JARID2: variants seen among roughly 807,000 people sequenced by gnomAD.
The protein encoded by JARID2 is protein Jumonji.
JARID2 carries 21 observed loss-of-function variants against 125.6 expected under a neutral mutation model. The ratio of observed to expected loss-of-function variants is 0.17; its 90% CI spans 0.12 to 0.24. JARID2 has a LOEUF of 0.24. JARID2 is among the 10% of genes least tolerant of loss of function. The pLI is 1.00. For missense variants in JARID2, 1,303 were observed against 1,639.6 expected (o/e 0.79, Z 3.55); for synonymous variants, 736 against 661.6 (o/e 1.11, Z -1.73).
At chr6:15,442,017 G>C (rs1767467740) in intron 3 of JARID2, among the ~76,000 whole-genome samples, 1 of 151,794 alleles carries the variant, frequency 6.6e-6, no homozygotes, top group Non-Finnish European at 1.5e-5. Context: ...CCTGACCTCA[G>C]GTGATCCCCC....
chr6:15,478,989 A>G (rs1408369534), intron 5 of JARID2, among the ~76,000 whole-genome samples: 2 of 152,186 alleles, frequency 1.3e-5, no homozygotes, highest in East Asian at 3.9e-4. Context: ...ATGAAACCCA[A>G]AACTGCAGAA....
intron 4 of JARID2, among the ~76,000 whole-genome samples, chr6:15,454,350 A>G (rs1768057167): frequency 6.6e-6 from 1 of 152,196 alleles, no homozygotes; most frequent in East Asian, 1.9e-4. Context: ...CACATAAGAA[A>G]GGAGAGTTAT....
chr6:15,249,288 C>T (rs1174329217), intron 1 of JARID2, among the ~76,000 whole-genome samples: 1 of 152,206 alleles, frequency 6.6e-6, no homozygotes, highest in Non-Finnish European at 1.5e-5. Context: ...GATGATGCTG[C>T]ACAGCAGCAA....
intron 1 of JARID2, among the ~76,000 whole-genome samples, chr6:15,335,853 G>T (rs548553995): frequency 4.8e-4 from 73 of 152,270 alleles, no homozygotes; most frequent in African/African-American, 1.7e-3. Context: ...AGCACTTTGG[G>T]AGTCTGGGGG....
In JARID2 at chr6:15,520,408, G is replaced by A; in HGVS notation, c.*157G>A. ...ACTAATTTTGTTTTAGCATTAAACT[G>A]TTGAACTTTTTTTTGTACTTAGAAA... is the stretch of plus-strand genomic sequence containing the variant. On this transcript the variant is annotated 3_prime_UTR_variant, in exon 18 of 18. Transcript: ENST00000341776. 3.4e-6 allele frequency: 2 copies of A among 588,270 alleles called. No individual in the cohort carries two copies. The highest frequency in any genetic ancestry group is 5.5e-6 in the Non-Finnish European group (2 of 362,688). 36.4% of individuals were successfully genotyped at this position (588,270 alleles called of 1,614,324 possible).
chr6:15,330,165 T>C (rs778221754), intron 1 of JARID2, among the ~76,000 whole-genome samples: 4 of 152,232 alleles, frequency 2.6e-5, no homozygotes, highest in Admixed American at 6.5e-5. Flanking sequence ...TAAAAGAAAC[T>C]ATAGGGGCTG....
intron 3 of JARID2, among the ~76,000 whole-genome samples, chr6:15,425,757 T>C (rs1170539594): frequency 6.6e-6 from 1 of 152,228 alleles, no homozygotes; most frequent in Non-Finnish European, 1.5e-5. Flanking sequence ...CATTCTGTAA[T>C]AGAAGCCTCA....
In JARID2 at chr6:15,426,625, A is replaced by T. The variant is rs1240320691; in HGVS notation, c.323+16260A>T. On this transcript the variant is annotated intron_variant, in intron 3 of 17. Coordinates refer to ENST00000341776, the MANE Select transcript of JARID2 (RefSeq NM_004973.4). ...ATATTTGTTGAATGGATGTGGACTG[A>T]CAGCACTAGCTTCCTTCAGTTATAG... Among the ~76,000 whole-genome samples, 3 of 152,210 alleles carry T rather than the reference A, an allele frequency of 2.0e-5. No individual in the cohort carries two copies. The East Asian group carries it at 5.8e-4, about 29-fold the overall frequency.
At chr6:15,372,716 AT>A (rs1007809942) in intron 1 of JARID2, among the ~76,000 whole-genome samples, 16 of 145,990 alleles carry the variant, frequency 1.1e-4, no homozygotes, top group Admixed American at 3.4e-4. Flanking sequence ...TTATTTATTT[AT>A]TTTTTTTTTT....
chr6:15,288,825 G>A (rs550539042), intron 1 of JARID2, among the ~76,000 whole-genome samples: 5 of 152,334 alleles, frequency 3.3e-5, no homozygotes, highest in African/African-American at 9.6e-5. Flanking sequence ...ACTAGGCCCT[G>A]TGGGGTTACA....
At chr6:15,406,946 T>C (rs756095345) in intron 2 of JARID2, among the ~76,000 whole-genome samples, 29 of 152,162 alleles carry the variant, frequency 1.9e-4, no homozygotes, top group Non-Finnish European at 3.7e-4. Flanking sequence ...TGTCTTTTTT[T>C]TTCTGCAAAA....
intron 16 of JARID2, among the ~76,000 whole-genome samples, chr6:15,516,171 T>C (rs550630645): frequency 6.6e-6 from 1 of 152,270 alleles, no homozygotes; most frequent in African/African-American, 2.4e-5. Context: ...TGTCAGTAGG[T>C]GGCATTCCCA....
intron 11 of JARID2, among the ~76,000 whole-genome samples, chr6:15,507,824 G>A (rs1484176222): frequency 1.1e-4 from 17 of 152,194 alleles, no homozygotes; most frequent in Non-Finnish European, 1.0e-4. Context: ...TGGAGGTTGT[G>A]GTCACCATGA....
intron 1 of JARID2, among the ~76,000 whole-genome samples, chr6:15,309,122 A>C (rs1761930588): frequency 6.6e-6 from 1 of 152,190 alleles, no homozygotes; most frequent in South Asian, 2.1e-4. Context: ...AATTTAGCTG[A>C]CAGAGTACCT....
chr6:15,478,196 A>G (rs1009231302), intron 5 of JARID2, among the ~76,000 whole-genome samples: 2 of 152,230 alleles, frequency 1.3e-5, no homozygotes, highest in Non-Finnish European at 2.9e-5. Flanking sequence ...AAGATGGTGT[A>G]TCTGGTGGTG....
intron 9 of JARID2, among the ~76,000 whole-genome samples, chr6:15,505,856 T>C (rs1314944002): frequency 6.6e-6 from 1 of 152,234 alleles, no homozygotes; most frequent in Non-Finnish European, 1.5e-5. Context: ...AGAGCACGCG[T>C]TGCGTTTGTG....
chr6:15,413,115 G>T (rs1765977524), intron 3 of JARID2, among the ~76,000 whole-genome samples: 1 of 145,408 alleles, frequency 6.9e-6, no homozygotes, highest in Non-Finnish European at 1.5e-5. Flanking sequence ...TGCCTCCCGG[G>T]CTCAAGGGAT....
Position 15,520,489 on chromosome 6 carries a change from C to T in JARID2, c.*238C>T, listed in dbSNP as rs1311656501. ...TGCCGTATAGTCACTGTTTTAAAAA[C>T]CCCGGAGGGGCTGTATTAATTTGTA... On this transcript the variant is annotated 3_prime_UTR_variant, in exon 18 of 18. Coordinates refer to ENST00000341776, the MANE Select transcript of JARID2 (RefSeq NM_004973.4). 3 of 417,882 alleles carry T rather than the reference C, an allele frequency of 7.2e-6. No homozygotes were observed. The highest frequency in any genetic ancestry group is 6.6e-4 in the Middle Eastern group (1 of 1,504). The allele number at this position is 417,882 out of a possible 1,614,324, so 25.9% of individuals were successfully genotyped here. A position where few individuals can be genotyped will look rare whatever the true frequency, so the allele number is the denominator to read the frequency against.
chr6:15,450,262 C>T (rs896766072), intron 3 of JARID2, among the ~76,000 whole-genome samples: 4 of 152,064 alleles, frequency 2.6e-5, no homozygotes, highest in Admixed American at 6.5e-5. Context: ...CTTCACCTCC[C>T]GGGTTCCAGC....
Sources: allele counts gnomAD v4.1 joint callset (sites outside exome capture counted in the v4.1 genomes callset), GRCh38; gene constraint gnomAD v4.1.1; transcripts MANE v1.5; gene names NCBI Gene and HGNC (gene_info 2026-07-23, HGNC 2026-07-21).